RGL1: variants seen among roughly 807,000 people sequenced by gnomAD.
RGL1 encodes ral guanine nucleotide dissociation stimulator like 1.
In RGL1, 24 loss-of-function variants were observed where a neutral mutation model predicts 95.2. The ratio of observed to expected loss-of-function variants is 0.25; its 90% CI spans 0.18 to 0.35. The LOEUF is 0.35. RGL1 is among the 10% of genes least tolerant of loss of function. RGL1 has a pLI of 1.00. For missense variants in RGL1, 715 were observed against 936.3 expected (o/e 0.76, Z 3.08); for synonymous variants, 329 against 344.9 (o/e 0.95, Z 0.51).
chr1:183,920,845 A>T (rs1395356220), intron 16 of RGL1, among the ~76,000 whole-genome samples: 1 of 152,258 alleles, frequency 6.6e-6, no homozygotes, highest in African/African-American at 2.4e-5. Context: ...TTTGTAATGC[A>T]CATTGTTTAT....
chr1:183,852,873 C>T (rs952781697), intron 3 of RGL1, among the ~76,000 whole-genome samples: 1 of 152,140 alleles, frequency 6.6e-6, no homozygotes, highest in Admixed American at 6.5e-5. Context: ...TGAATATGCC[C>T]AACCTCAAAT....
chr1:183,657,881 C>G (rs141840441), intron 1 of RGL1, among the ~76,000 whole-genome samples: 12,134 of 151,682 alleles, frequency 0.08, 949 homozygotes, highest in African/African-American at 0.21. Context: ...CTTCCACAAT[C>G]GTTGAACTAG....
At chr1:183,721,175 A>G (rs1655995750) in intron 1 of RGL1, among the ~76,000 whole-genome samples, 2 of 152,198 alleles carry the variant, frequency 1.3e-5, no homozygotes, top group South Asian at 2.1e-4. Flanking sequence ...CATTCTCAGC[A>G]TGACTAAAAC....
intron 1 of RGL1, among the ~76,000 whole-genome samples, chr1:183,675,741 C>G (rs1437213756): frequency 6.6e-6 from 1 of 152,156 alleles, no homozygotes; most frequent in Non-Finnish European, 1.5e-5. Flanking sequence ...TAATGCCTAT[C>G]CTCTGCTCTT....
At chr1:183,707,599 A>G (rs1054681749) in intron 1 of RGL1, among the ~76,000 whole-genome samples, 4 of 151,878 alleles carry the variant, frequency 2.6e-5, no homozygotes, top group African/African-American at 7.2e-5. Context: ...GTTAACAGGC[A>G]GTGGAAGATA....
intron 3 of RGL1, among the ~76,000 whole-genome samples, chr1:183,850,568 C>T (rs1482202079): frequency 1.3e-5 from 2 of 152,102 alleles, no homozygotes; most frequent in Non-Finnish European, 2.9e-5. Context: ...TGTTCTTTGT[C>T]ATACATTGAT....
intron 2 of RGL1, among the ~76,000 whole-genome samples, chr1:183,779,493 C>G (rs897851760): frequency 1.3e-5 from 2 of 152,128 alleles, no homozygotes; most frequent in African/African-American, 4.8e-5. Flanking sequence ...AAGTGATCTA[C>G]CCACCTCAGC....
chr1:183,825,048 G>A (rs1454599939), intron 2 of RGL1, among the ~76,000 whole-genome samples: 2 of 152,208 alleles, frequency 1.3e-5, no homozygotes, highest in Non-Finnish European at 2.9e-5. Context: ...ATTGGTGAGT[G>A]CTTATATACT....
rs1239172436 is a variant in RGL1 at position 183,838,763 on chromosome 1, T to C, written c.139-8803T>C. 2.0e-5 allele frequency among the ~76,000 whole-genome samples: 3 copies of C among 152,244 alleles called. No individual in the cohort carries two copies. The East Asian group carries it at 5.8e-4, about 29-fold the overall frequency. Reference sequence around the variant, plus strand: ...GACACTGACACAATCTGAGAGGGACTTCTGGGCAGGGGTATGCTGATAAAC... The same window carrying C: ...GACACTGACACAATCTGAGAGGGACCTCTGGGCAGGGGTATGCTGATAAAC... On this transcript the variant is annotated intron_variant, in intron 2 of 17. Coordinates refer to ENST00000360851, the MANE Select transcript of RGL1 (RefSeq NM_001297671.3).
intron 2 of RGL1, among the ~76,000 whole-genome samples, chr1:183,751,687 C>G (rs1333443107): frequency 6.6e-6 from 1 of 152,162 alleles, no homozygotes; most frequent in Non-Finnish European, 1.5e-5. Flanking sequence ...GTGTAGGCAC[C>G]TAAGGGAATT....
At chr1:183,895,637 A>G (rs965769035) in intron 9 of RGL1, among the ~76,000 whole-genome samples, 1 of 152,224 alleles carries the variant, frequency 6.6e-6, no homozygotes, top group Non-Finnish European at 1.5e-5. Flanking sequence ...TGAGTGATAC[A>G]GTCACAAAAA....
At chr1:183,793,321 A>G (rs1660527540) in intron 2 of RGL1, among the ~76,000 whole-genome samples, 1 of 152,260 alleles carries the variant, frequency 6.6e-6, no homozygotes, top group South Asian at 2.1e-4. Context: ...AATTCCTAAG[A>G]CTATAAAACT....
chr1:183,924,705 G>A (rs1159725092), intron 17 of RGL1, among the ~76,000 whole-genome samples: 3 of 151,978 alleles, frequency 2.0e-5, no homozygotes, highest in African/African-American at 7.2e-5. Context: ...AGCACTTTGA[G>A]AGGCCGAGGC....
chr1:183,678,533 A>G (rs1391882946), intron 1 of RGL1, among the ~76,000 whole-genome samples: 1 of 152,134 alleles, frequency 6.6e-6, no homozygotes, highest in African/African-American at 2.4e-5. Context: ...AACTTTAAGA[A>G]TGTTTCTCTC....
chr1:183,856,997 T>A (rs946700528), intron 3 of RGL1, among the ~76,000 whole-genome samples: 1 of 152,130 alleles, frequency 6.6e-6, no homozygotes, highest in Non-Finnish European at 1.5e-5. Flanking sequence ...AACCTGGGAA[T>A]ATGTTAGGTT....
At chr1:183,637,480 AT>A (rs1297555934) in intron 1 of RGL1, among the ~76,000 whole-genome samples, 3 of 152,218 alleles carry the variant, frequency 2.0e-5, no homozygotes, top group Non-Finnish European at 4.4e-5. Context: ...AGATCTCAAA[AT>A]TAAATATTTG....
At chr1:183,761,753 A>G (rs1332685218) in intron 2 of RGL1, among the ~76,000 whole-genome samples, 1 of 152,192 alleles carries the variant, frequency 6.6e-6, no homozygotes, top group African/African-American at 2.4e-5. Flanking sequence ...ATATAAGACT[A>G]TTTTGTCTAC....
intron 3 of RGL1, among the ~76,000 whole-genome samples, chr1:183,865,366 C>T (rs1665762243): frequency 6.6e-6 from 1 of 152,190 alleles, no homozygotes; most frequent in Non-Finnish European, 1.5e-5. Context: ...CTGTGTCTAG[C>T]GCAACCTGGC....
intron 1 of RGL1, among the ~76,000 whole-genome samples, chr1:183,805,961 C>CTTTTTTTTTTTTTTTTTT (rs1290429659): frequency 2.3e-5 from 1 of 43,338 alleles, no homozygotes. Context: ...TTTTCTTTTT[C>CTTTTTTTTTTTTTTTTTT]TTTTCTTTTC....
Sources: allele counts gnomAD v4.1 joint callset (sites outside exome capture counted in the v4.1 genomes callset), GRCh38; gene constraint gnomAD v4.1.1; transcripts MANE v1.5; gene names NCBI Gene and HGNC (gene_info 2026-07-23, HGNC 2026-07-21).